PLSCR1: variants seen among roughly 807,000 people sequenced by gnomAD.
PLSCR1 encodes the protein PL scramblase 1.
In PLSCR1, 17 loss-of-function variants were observed where a neutral mutation model predicts 37.8. That is an observed-to-expected ratio of 0.45 (90% CI 0.31 to 0.68). PLSCR1 has a LOEUF of 0.68. Among genes scored for constraint, PLSCR1 ranks in the 30% least tolerant of loss-of-function variants. PLSCR1 has a pLI of 0.06. For missense variants in PLSCR1, 347 were observed against 380.9 expected (o/e 0.91, Z 0.74); for synonymous variants, 116 against 125.9 (o/e 0.92, Z 0.53).
chr3:146,530,725 C>T (rs754846522), intron 3 of PLSCR1, among the ~76,000 whole-genome samples: 1 of 152,074 alleles, frequency 6.6e-6, no homozygotes, highest in African/African-American at 2.4e-5. Context: ...AGAAAGAAGA[C>T]GACTAGGAAA....
Position 146,515,931 on chromosome 3 carries a change from A to G in PLSCR1, c.*114T>C, listed in dbSNP as rs560738996. The G allele has an allele frequency of 3.2e-5, 20 of 616,274 alleles. No homozygotes were observed. In the South Asian group the frequency reaches 4.3e-4, roughly 13 times the overall value. The allele number at this position is 616,274 out of a possible 1,614,324, so 38.2% of individuals were successfully genotyped here. ...AAGATAAACTATAATTTGAAAAGCA[A>G]AAGTATACAACCAGAGCTACAGGCC... On this transcript the variant is annotated 3_prime_UTR_variant, in exon 9 of 9. Transcript: ENST00000342435.
intron 7 of PLSCR1, among the ~76,000 whole-genome samples, chr3:146,521,015 A>G (rs2044011042): frequency 1.3e-5 from 2 of 152,132 alleles, no homozygotes. Flanking sequence ...GCTTCTAGTG[A>G]CCTAATTTAA....
intron 7 of PLSCR1, among the ~76,000 whole-genome samples, chr3:146,519,919 T>A (rs1344107317): frequency 6.6e-6 from 1 of 152,118 alleles, no homozygotes; most frequent in Non-Finnish European, 1.5e-5. Flanking sequence ...TAGTTCCACA[T>A]AGTACACCTA....
intron 6 of PLSCR1, 30 bp downstream of exon 6, chr3:146,521,803 T>C: frequency 6.3e-7 from 1 of 1,589,790 alleles, no homozygotes; most frequent in Non-Finnish European, 8.6e-7. Flanking sequence ...TGAACTATTT[T>C]ACAAAGTGCC....
chr3:146,521,454 C>A, intron 7 of PLSCR1, 90 bp downstream of exon 7: 1 of 1,101,770 alleles, frequency 9.1e-7, no homozygotes, highest in Admixed American at 2.1e-5. Flanking sequence ...TGGCACACAA[C>A]ACTTATTTAA....
chr3:146,522,091 G>T, intron 5 of PLSCR1, 38 bp from the exon 6 acceptor site: 1 of 1,121,854 alleles, frequency 8.9e-7, no homozygotes, highest in Non-Finnish European at 1.4e-6. Context: ...TCACCTCTAT[G>T]TTAAAAATAT....
intron 1 of PLSCR1, among the ~76,000 whole-genome samples, chr3:146,537,052 T>A (rs1381938863): frequency 6.6e-6 from 1 of 152,020 alleles, no homozygotes. Context: ...TCTTGGGAAA[T>A]GTAGGTCTTG....
chr3:146,537,512 A>T (rs143651289), intron 1 of PLSCR1, among the ~76,000 whole-genome samples: 1 of 152,300 alleles, frequency 6.6e-6, no homozygotes, highest in East Asian at 1.9e-4. Context: ...AAGTCAAGTG[A>T]TCCCTCTACA....
rs1045465497 is a variant in PLSCR1, at chr3:146,536,692, C to A, written c.-13-127G>T. The A allele has an allele frequency of 2.8e-5, 17 of 612,626 alleles. No individual in the cohort carries two copies. The African/African-American group carries it at 2.9e-4, about 11-fold the overall frequency. 37.9% of individuals were successfully genotyped at this position (612,626 alleles called of 1,614,324 possible). A position where few individuals can be genotyped will look rare whatever the true frequency, so the allele number is the denominator to read the frequency against. ...GATATTCCTCTTTATTCATCCAGCC[C>A]AGCCTTATCTGGTCATTTAAGCCCT... is the stretch of plus-strand genomic sequence containing the variant. On this transcript the variant is annotated intron_variant, in intron 1 of 8. Coordinates refer to ENST00000342435, the MANE Select transcript of PLSCR1 (RefSeq NM_021105.3).
intron 3 of PLSCR1, among the ~76,000 whole-genome samples, chr3:146,530,212 C>T (rs892778149): frequency 2.0e-5 from 3 of 152,110 alleles, no homozygotes; most frequent in Non-Finnish European, 4.4e-5. Context: ...AAATGTAATA[C>T]TTAGAATAGG....
chr3:146,536,666 G>A, intron 1 of PLSCR1, 101 bp from the exon 2 acceptor site: 1 of 716,704 alleles, frequency 1.4e-6, no homozygotes, highest in Admixed American at 2.1e-5. Context: ...CACATTCATA[G>A]GATATTCCTC....
intron 1 of PLSCR1, among the ~76,000 whole-genome samples, chr3:146,539,149 A>G (rs2108672649): frequency 1.3e-5 from 2 of 152,350 alleles, no homozygotes; most frequent in Non-Finnish European, 2.9e-5. Context: ...GTTTTCCCGC[A>G]ACTAGACAGT....
Position 146,521,631 on chromosome 3 carries a change from A to G in PLSCR1, c.651T>C (p.Phe217=), listed in dbSNP as rs1317635749. 6.2e-7 allele frequency: 1 copy of G among 1,613,776 alleles called. No individual in the cohort carries two copies. The highest frequency in any genetic ancestry group is 1.3e-5 in the African/African-American group (1 of 75,030). Residue 217 remains phenylalanine (F), a synonymous_variant, in exon 7 of 9, where the codon TTT becomes TTC. Coordinates refer to ENST00000342435, the MANE Select transcript of PLSCR1 (RefSeq NM_021105.3). Reference sequence around the variant, plus strand: ...CCTCTCTTTTCTCATTTTGAATTGTAAACTTTGGTAGACATGGGTGCCAAG... The same window carrying G: ...CCTCTCTTTTCTCATTTTGAATTGTGAACTTTGGTAGACATGGGTGCCAAG... ...IQTWHPCLPK[F]TIQNEKREDV... is the part of the protein sequence containing the mutation.
At chr3:146,528,588 T>A (rs2044151603) in intron 4 of PLSCR1, 26 bp downstream of exon 4, 1 of 1,553,342 alleles carries the variant, frequency 6.4e-7, no homozygotes, top group East Asian at 2.2e-5. Flanking sequence ...CTGTTTTTTA[T>A]GAGTATTTTG....
chr3:146,528,937 A>G, intron 3 of PLSCR1, 106 bp from the exon 4 acceptor site: 1 of 731,980 alleles, frequency 1.4e-6, no homozygotes, highest in South Asian at 1.9e-5. Context: ...CAGCGTAGAC[A>G]TCTGTATCTG....
At chr3:146,535,434 T>G (rs975479006) in intron 2 of PLSCR1, among the ~76,000 whole-genome samples, 1 of 152,186 alleles carries the variant, frequency 6.6e-6, no homozygotes, top group Non-Finnish European at 1.5e-5. Flanking sequence ...ATGGTTTGAT[T>G]ACTGCGTTTT....
At chr3:146,523,346 G>A (rs2044059367) in intron 5 of PLSCR1, among the ~76,000 whole-genome samples, 1 of 152,206 alleles carries the variant, frequency 6.6e-6, no homozygotes, top group South Asian at 2.1e-4. Flanking sequence ...GGTGGTGCTA[G>A]GTGTATAGAT....
intron 2 of PLSCR1, among the ~76,000 whole-genome samples, 156 bp downstream of exon 2, chr3:146,536,384 T>C (rs1277808706): frequency 1.3e-5 from 2 of 152,164 alleles, no homozygotes; most frequent in African/African-American, 4.8e-5. Flanking sequence ...TTCTCTATAG[T>C]CAAAATACTG....
intron 4 of PLSCR1, among the ~76,000 whole-genome samples, chr3:146,525,980 G>C (rs558023475): frequency 2.8e-4 from 42 of 151,598 alleles, no homozygotes; most frequent in African/African-American, 9.9e-4. Context: ...TCAGGAGATC[G>C]AGACCATCCT....
Sources: allele counts gnomAD v4.1 joint callset (sites outside exome capture counted in the v4.1 genomes callset), GRCh38; gene constraint gnomAD v4.1.1; transcripts MANE v1.5; gene names NCBI Gene and HGNC (gene_info 2026-07-23, HGNC 2026-07-21).